The following LINGO2 variants were observed in gnomAD, a reference collection of about 807,000 sequenced individuals.
LINGO2 encodes leucine rich repeat and Ig domain containing 2, also known as leucine-rich repeat and immunoglobulin-like domain-containing nogo receptor-interacting protein 2.
Under a neutral mutation model 30.6 loss-of-function variants are expected in LINGO2, and 14 were observed. The observed-to-expected ratio is 0.46, with a 90% CI of 0.30 to 0.72. The LOEUF (loss-of-function observed/expected upper bound fraction) is 0.72, where lower values mean the gene tolerates loss of function less well. Ranked by LOEUF, LINGO2 falls within the 30% of genes least tolerant of loss-of-function variation. The pLI is 0.07. For missense variants in LINGO2, 729 were observed against 751.7 expected (o/e 0.97, Z 0.35); for synonymous variants, 317 against 288.5 (o/e 1.10, Z -1.00).
chr9:29,113,992 C>T, the LINGO2 span, among the ~76,000 whole-genome samples: 3 of 151,202 alleles, frequency 2.0e-5, no homozygotes, highest in South Asian at 2.1e-4. Flanking sequence ...GAAAGGAATT[C>T]TTTTCCACAA....
intron 4 of LINGO2, among the ~76,000 whole-genome samples, chr9:28,233,811 G>A (rs990010103): frequency 6.6e-6 from 1 of 152,120 alleles, no homozygotes; most frequent in Non-Finnish European, 1.5e-5. Flanking sequence ...TAGCTCCCAG[G>A]TGACATTTCT....
Position 28,011,665 on chromosome 9 carries a change from G to C in LINGO2, c.-36+690C>G, listed in dbSNP as rs531415560. Among the ~76,000 whole-genome samples the C allele has an allele frequency of 1.9e-3, 294 of 152,244 alleles. 1 individual carries two copies. Among genetic ancestry groups the C allele is most frequent in the Non-Finnish European group, 3.5e-3 (238 of 68,024 alleles). On this transcript the variant is annotated intron_variant, in intron 5 of 5. Coordinates refer to ENST00000379992, the Ensembl canonical transcript of LINGO2. ...GGAATTGTATTTGATATATATATTA[G>C]TTAGAAGCTTCATGACCATAGGGAT...
At chr9:28,098,180 C>A (rs953767539) in intron 4 of LINGO2, among the ~76,000 whole-genome samples, 32 of 152,072 alleles carry the variant, frequency 2.1e-4, no homozygotes, top group Non-Finnish European at 3.5e-4. Context: ...TGGCATCCAC[C>A]TGTGGTCCCA....
intron 1 of LINGO2, among the ~76,000 whole-genome samples, chr9:28,493,805 A>G (rs1188139988): frequency 6.6e-6 from 1 of 152,136 alleles, no homozygotes; most frequent in Non-Finnish European, 1.5e-5. Context: ...GGTCAGAATA[A>G]AAGCATGTGG....
intron 4 of LINGO2, among the ~76,000 whole-genome samples, chr9:28,045,315 T>TC (rs1824370545): frequency 6.6e-6 from 1 of 151,324 alleles, no homozygotes; most frequent in South Asian, 2.1e-4. Flanking sequence ...AGAGTTAAAC[T>TC]TTGAGTATTT....
chr9:28,947,760 T>G, the LINGO2 span, among the ~76,000 whole-genome samples: 1 of 151,482 alleles, frequency 6.6e-6, no homozygotes. Flanking sequence ...TATATATATG[T>G]AATATGTATA....
intron 2 of LINGO2, among the ~76,000 whole-genome samples, chr9:28,384,527 C>G (rs150712770): frequency 6.6e-6 from 1 of 151,248 alleles, no homozygotes; most frequent in Admixed American, 6.6e-5. Context: ...AATTGTCTAC[C>G]CTTTTTCCCA....
the LINGO2 span, among the ~76,000 whole-genome samples, chr9:29,078,819 T>C: frequency 6.6e-6 from 1 of 152,092 alleles, no homozygotes; most frequent in East Asian, 1.9e-4. Flanking sequence ...TAAAGAATGT[T>C]TCCCCAACTA....
chr9:28,066,604 A>C (rs1438686105), intron 4 of LINGO2, among the ~76,000 whole-genome samples: 1 of 152,076 alleles, frequency 6.6e-6, no homozygotes, highest in Non-Finnish European at 1.5e-5. Context: ...TTAGTCTTCC[A>C]TTACTGAACT....
chr9:28,071,392 T>C (rs1041266748), intron 4 of LINGO2, among the ~76,000 whole-genome samples: 1 of 152,054 alleles, frequency 6.6e-6, no homozygotes, highest in Admixed American at 6.6e-5. Flanking sequence ...ACACAATCTT[T>C]ATAGTTTTCT....
intron 4 of LINGO2, among the ~76,000 whole-genome samples, chr9:28,102,874 A>G (rs1826460277): frequency 6.6e-6 from 1 of 152,158 alleles, no homozygotes; most frequent in Non-Finnish European, 1.5e-5. Context: ...GCAGTCCAGC[A>G]CTTAGCAATG....
intron 5 of LINGO2, among the ~76,000 whole-genome samples, chr9:27,981,810 G>A (rs769916212): frequency 2.0e-5 from 3 of 151,694 alleles, no homozygotes; most frequent in Non-Finnish European, 4.4e-5. Flanking sequence ...AAGCTATAAT[G>A]CAAATACAAT....
chr9:29,060,441 C>T, the LINGO2 span, among the ~76,000 whole-genome samples: 1 of 151,958 alleles, frequency 6.6e-6, no homozygotes, highest in Non-Finnish European at 1.5e-5. Flanking sequence ...AACAAACACA[C>T]TAAAAATAAG....
chr9:28,236,992 C>T (rs1207947798), intron 4 of LINGO2, among the ~76,000 whole-genome samples: 3 of 151,482 alleles, frequency 2.0e-5, no homozygotes, highest in Non-Finnish European at 2.9e-5. Context: ...CAGAATATCT[C>T]GGGTACCCCA....
chr9:28,000,331 A>G (rs986811931), intron 5 of LINGO2, among the ~76,000 whole-genome samples: 3 of 152,156 alleles, frequency 2.0e-5, no homozygotes, highest in Non-Finnish European at 2.9e-5. Flanking sequence ...AACAGATTCC[A>G]CACATCACAG....
chr9:29,192,451 T>C, the LINGO2 span, among the ~76,000 whole-genome samples: 1 of 152,174 alleles, frequency 6.6e-6, no homozygotes, highest in Non-Finnish European at 1.5e-5. Flanking sequence ...AAAATGGAGA[T>C]TGATTTCCAC....
chr9:28,783,392 A>G, the LINGO2 span, among the ~76,000 whole-genome samples: 2 of 152,070 alleles, frequency 1.3e-5, no homozygotes, highest in East Asian at 3.9e-4. Context: ...GTTATACTAT[A>G]TTTTTAAATT....
Position 28,522,207 on chromosome 9 carries a change from C to G in LINGO2, c.-364-46182G>C, listed in dbSNP as rs1182485767. Among the ~76,000 whole-genome samples the G allele has an allele frequency of 3.3e-5, 5 of 152,092 alleles. No homozygotes were observed. The East Asian group carries it at 7.7e-4, about 23-fold the overall frequency. On this transcript the variant is annotated intron_variant, in intron 1 of 5. Transcript: ENST00000379992. Reference sequence around the variant, plus strand: ...CAAGCTTAGAAATCAACAGCAAATACTGAATTTTAGAAAAAGGTGATCTCA... The same window carrying G: ...CAAGCTTAGAAATCAACAGCAAATAGTGAATTTTAGAAAAAGGTGATCTCA...
rs115959710 is a variant in LINGO2 at position 28,610,351 on chromosome 9, T to C, written c.-365+59849A>G. ...TTTTGAAAACTGAAAAAGCAATTTA[T>C]TTCACTTCCTCCAATTATCATGGGC... is the stretch of plus-strand genomic sequence containing the variant. On this transcript the variant is annotated intron_variant, in intron 1 of 5. Transcript: ENST00000379992. Among the ~76,000 whole-genome samples the C allele has an allele frequency of 8.9e-3, 1,358 of 152,266 alleles. 20 individuals carry two copies. Among genetic ancestry groups the C allele is most frequent in the African/African-American group, 0.029 (1,191 of 41,562 alleles).
Sources: allele counts gnomAD v4.1 joint callset (sites outside exome capture counted in the v4.1 genomes callset), GRCh38; gene constraint gnomAD v4.1.1; transcripts MANE v1.5; gene names NCBI Gene and HGNC (gene_info 2026-07-23, HGNC 2026-07-21).